The following RTL9 variants were observed in gnomAD, a reference collection of about 807,000 sequenced individuals.
RTL9 encodes the protein retrotransposon Gag-like protein 9.
In RTL9, 19 loss-of-function variants were observed where a neutral mutation model predicts 44.7. The observed-to-expected ratio is 0.42, with a 90% CI of 0.30 to 0.62. RTL9 has a LOEUF of 0.62. Among genes scored for constraint, RTL9 ranks in the 20% least tolerant of loss-of-function variants. The pLI is 0.16. For synonymous variants in RTL9, 407 were observed against 398.9 expected (o/e 1.02, Z -0.24); for missense variants, 1,105 against 1,080.6 (o/e 1.02, Z -0.32).
Position 110,370,738 on chromosome X carries a change from C to G in RTL9, c.-168+11822C>G, listed in dbSNP as rs1448776105. Among the ~76,000 whole-genome samples, 7 of 112,391 alleles carry G rather than the reference C, an allele frequency of 6.2e-5. No individual in the cohort carries two copies. In the Admixed American group the frequency reaches 6.6e-4, roughly 11 times the overall value. ...AAGTGGATCAGATGTGAGACAACGG[C>G]AAGTGGTGGGACCTGTGGAGTCCAC... On this transcript the variant is annotated intron_variant, in intron 1 of 2. Coordinates refer to the RTL9 transcript ENST00000520821.
At chrX:110,379,216 G>A (rs1008828368) in intron 1 of RTL9, among the ~76,000 whole-genome samples, 2 of 112,037 alleles carry the variant, frequency 1.8e-5, no homozygotes, top group Non-Finnish European at 3.8e-5. Flanking sequence ...AGCTTTCAAG[G>A]AGAGTCTTTA....
At chrX:110,433,008 A>T (rs2148333062) in intron 1 of RTL9, among the ~76,000 whole-genome samples, 1 of 112,287 alleles carries the variant, frequency 8.9e-6, no homozygotes. Context: ...CAAGTCCTCG[A>T]CCTCCTGGCC....
At chrX:110,392,002 A>G (rs1449728588) in intron 1 of RTL9, among the ~76,000 whole-genome samples, 1 of 112,411 alleles carries the variant, frequency 8.9e-6, no homozygotes, top group African/African-American at 3.2e-5. Context: ...TTAAAAGACC[A>G]ATAATATTGA....
intron 1 of RTL9, among the ~76,000 whole-genome samples, chrX:110,385,152 G>A (rs1401554386): frequency 9.0e-6 from 1 of 110,945 alleles, no homozygotes; most frequent in Non-Finnish European, 1.9e-5. Context: ...TGAGACCTCA[G>A]GCAAATCACT....
chrX:110,453,463 T>C (rs1191304424), exon 1 of RTL9: 1 of 1,211,964 alleles, frequency 8.3e-7, no homozygotes, highest in Admixed American at 2.2e-5. Context: ...TCTGGAGGGA[T>C]GTCCAAGCCA....
chrX:110,452,099 T>TG lies in RTL9; in HGVS notation c.1484dup (p.Met497AspfsTer25), dbSNP rs1302944323. The TG allele has an allele frequency of 8.3e-7, 1 of 1,210,217 alleles. No homozygotes were observed. The highest frequency in any genetic ancestry group is 1.1e-6 in the Non-Finnish European group (1 of 895,282). ...AACAATACAAGAGAGCCACAGCCTC[T>TG]GGAAAGATGTCCACGCCACTGAGGA... On this transcript the variant is annotated frameshift_variant, in exon 1 of 2. Coordinates refer to ENST00000540313, the Ensembl canonical transcript of RTL9. LOFTEE classifies it high-confidence loss of function.
intron 1 of RTL9, among the ~76,000 whole-genome samples, chrX:110,410,567 G>A (rs1175063889): frequency 8.9e-6 from 1 of 112,122 alleles, no homozygotes; most frequent in African/African-American, 3.2e-5. Flanking sequence ...CAAGTAGCCT[G>A]AATGACTTCA....
intron 1 of RTL9, among the ~76,000 whole-genome samples, chrX:110,435,072 GA>G (rs2068827145): frequency 1.1e-5 from 1 of 91,701 alleles, no homozygotes; most frequent in Non-Finnish European, 2.2e-5. Flanking sequence ...GGGAAGGAGG[GA>G]GGGGGGAGGA....
Position 110,430,785 on chromosome X carries a change from G to C in RTL9, c.-168+11650G>C, listed in dbSNP as rs903853604. Among the ~76,000 whole-genome samples, 7 of 112,595 alleles carry C rather than the reference G, an allele frequency of 6.2e-5. No homozygotes were observed. The East Asian group carries it at 1.9e-3, about 31-fold the overall frequency. On this transcript the variant is annotated intron_variant, in intron 1 of 3. Coordinates refer to the RTL9 transcript ENST00000465301. Reference sequence around the variant, plus strand: ...GAAATGCTCAACATAGATTTGCTGAGTGAATAAATGACTGTTTTGAAATTA... The same window carrying C: ...GAAATGCTCAACATAGATTTGCTGACTGAATAAATGACTGTTTTGAAATTA...
chrX:110,452,183 A>G, exon 1 of RTL9: 1 of 1,211,044 alleles, frequency 8.3e-7, no homozygotes, highest in African/African-American at 1.7e-5. Context: ...CCTCTGAAAC[A>G]ATGTCCATGC....
chrX:110,454,337 C>T, exon 1 of RTL9: 3 of 1,211,979 alleles, frequency 2.5e-6, no homozygotes, highest in Non-Finnish European at 3.3e-6. Context: ...CTGTTCTTTG[C>T]CATCCCAAAC....
At chrX:110,430,514 C>G (rs1456503352) in intron 1 of RTL9, among the ~76,000 whole-genome samples, 1 of 111,671 alleles carries the variant, frequency 9.0e-6, no homozygotes, top group Admixed American at 9.5e-5. Context: ...AGATATGAAC[C>G]CAGGCACCCT....
At chrX:110,393,336 G>C (rs755009893) in intron 1 of RTL9, among the ~76,000 whole-genome samples, 9 of 112,241 alleles carry the variant, frequency 8.0e-5, no homozygotes, top group African/African-American at 2.6e-4. Context: ...GCAGACACTA[G>C]TTGATCATTA....
At chrX:110,362,081 C>T (rs1202156615) in intron 1 of RTL9, among the ~76,000 whole-genome samples, 2 of 111,680 alleles carry the variant, frequency 1.8e-5, no homozygotes, top group African/African-American at 3.3e-5. Context: ...ATATAGTAGG[C>T]ACATGATTTA....
intron 1 of RTL9, among the ~76,000 whole-genome samples, chrX:110,431,238 A>G (rs1458720322): frequency 4.5e-5 from 5 of 111,435 alleles, no homozygotes; most frequent in Admixed American, 1.9e-4. Context: ...TCTTGGTTCA[A>G]TATTTACCTG....
At chrX:110,422,791 A>G (rs765156622) in intron 1 of RTL9, among the ~76,000 whole-genome samples, 1 of 111,763 alleles carries the variant, frequency 8.9e-6, no homozygotes, top group Non-Finnish European at 1.9e-5. Flanking sequence ...GGAAAAGAAA[A>G]GAGATCTTCC....
At chrX:110,426,179 T>C (rs1440405066) in intron 1 of RTL9, among the ~76,000 whole-genome samples, 4 of 112,464 alleles carry the variant, frequency 3.6e-5, no homozygotes, top group African/African-American at 1.3e-4. Flanking sequence ...GTGAGCAAAG[T>C]GTTTCAAATG....
chrX:110,379,912 T>C (rs1049656126), intron 1 of RTL9, among the ~76,000 whole-genome samples: 13 of 111,659 alleles, frequency 1.2e-4, no homozygotes, highest in Admixed American at 1.0e-3. Context: ...TATCATAAAA[T>C]TTATTTCTTG....
At chrX:110,418,371 C>A (rs893026790), upstream of RTL9, among the ~76,000 whole-genome samples, 3 of 112,280 alleles carry the variant, frequency 2.7e-5, no homozygotes, top group Non-Finnish European at 5.6e-5. Flanking sequence ...GTGCTGAGAG[C>A]TGCGGTGAAT....
Sources: allele counts gnomAD v4.1 joint callset (sites outside exome capture counted in the v4.1 genomes callset), GRCh38; gene constraint gnomAD v4.1.1; transcripts MANE v1.5; gene names NCBI Gene and HGNC (gene_info 2026-07-23, HGNC 2026-07-21).